Variants in ZBTB16 observed in about 807,000 individuals in gnomAD.
The protein encoded by ZBTB16 is zinc finger and BTB domain containing 16.
A neutral mutation model predicts 56.8 loss-of-function variants in ZBTB16; 8 were observed. The ratio of observed to expected loss-of-function variants is 0.14; its 90% CI spans 0.08 to 0.25. The LOEUF (loss-of-function observed/expected upper bound fraction) is 0.25, where lower values mean the gene tolerates loss of function less well. Ranked by LOEUF, ZBTB16 falls within the 10% of genes least tolerant of loss-of-function variation. The pLI, the probability that ZBTB16 is intolerant of heterozygous loss-of-function variation, is 1.00. For missense variants in ZBTB16, 625 were observed against 903.0 expected, an observed-to-expected ratio of 0.69 and a Z score of 3.95; for synonymous variants, 363 against 368.5, an observed-to-expected ratio of 0.98 and a Z score of 0.17.
intron 3 of ZBTB16, among the ~76,000 whole-genome samples, chr11:114,172,560 C>G (rs1942998107): frequency 6.6e-6 from 1 of 152,174 alleles, no homozygotes; most frequent in South Asian, 2.1e-4. Flanking sequence ...CTGGTCTTAA[C>G]CTCTGCGGCA....
At chr11:114,142,814 C>T (rs942971628) in intron 2 of ZBTB16, among the ~76,000 whole-genome samples, 7 of 152,124 alleles carry the variant, frequency 4.6e-5, no homozygotes, top group East Asian at 1.9e-4. Flanking sequence ...AGTTATGGCC[C>T]GTTTAAAAAA....
At chr11:114,118,165 G>A (rs1415588034) in intron 2 of ZBTB16, among the ~76,000 whole-genome samples, 1 of 152,172 alleles carries the variant, frequency 6.6e-6, no homozygotes, top group Non-Finnish European at 1.5e-5. Flanking sequence ...AAACAGATTA[G>A]AGGTGTTTTT....
intron 2 of ZBTB16, among the ~76,000 whole-genome samples, chr11:114,113,077 C>T (rs894946028): frequency 2.0e-5 from 3 of 152,178 alleles, no homozygotes; most frequent in Non-Finnish European, 4.4e-5. Context: ...ACCCAGCCCA[C>T]ACACTTCATT....
intron 2 of ZBTB16, among the ~76,000 whole-genome samples, chr11:114,149,775 A>T (rs1235143181): frequency 1.3e-5 from 2 of 152,170 alleles, no homozygotes; most frequent in Admixed American, 6.5e-5. Context: ...AATTTCCCTT[A>T]TGCCTTGAGA....
chr11:114,185,825 A>G (rs2135057439), intron 3 of ZBTB16, among the ~76,000 whole-genome samples: 1 of 152,372 alleles, frequency 6.6e-6, no homozygotes, highest in South Asian at 2.1e-4. Context: ...CCAGTGATAA[A>G]AAGTACTGTT....
At chr11:114,172,502 A>T (rs965062605) in intron 3 of ZBTB16, among the ~76,000 whole-genome samples, 6 of 152,200 alleles carry the variant, frequency 3.9e-5, no homozygotes, top group African/African-American at 1.4e-4. Context: ...CTAGCAAGTA[A>T]GAGACAGAGC....
chr11:114,245,538 G>T (rs951388620), intron 5 of ZBTB16, among the ~76,000 whole-genome samples: 4 of 152,172 alleles, frequency 2.6e-5, no homozygotes, highest in Admixed American at 1.3e-4. Flanking sequence ...TGGGTACAGG[G>T]GCCTAACTTT....
rs900475595 is a variant in ZBTB16 at position 114,063,797 on chromosome 11, G to T, written c.497G>T (p.Ser166Ile). Reference sequence around the variant, plus strand: ...ATCTCGAAGCATTCCAGCGAGGAGAGTGGGTATGCCAGTGTGGCTGGACAG... The same window carrying T: ...ATCTCGAAGCATTCCAGCGAGGAGATTGGGTATGCCAGTGTGGCTGGACAG... ...IFISKHSSEE[S>I]GYASVAGQSL... The change falls in exon 2 of 7, where the codon AGT becomes ATT. Residue 166 changes from serine to isoleucine, a missense_variant. Ser to Ile is a moderately radical substitution (Grantham distance 142). Around this residue, in one of 6 missense-constraint regions of ZBTB16, gnomAD observed 384 missense variants for 393.5 expected, o/e 0.98. Coordinates refer to ENST00000335953, the MANE Select transcript of ZBTB16 (RefSeq NM_006006.6). This position sits in a 1 kb window ranked among gnomAD's most constrained non-coding sequence, Gnocchi z 6.5. 4 of 1,614,092 alleles carry T rather than the reference G, an allele frequency of 2.5e-6. No homozygotes were observed. In the African/African-American group the frequency reaches 5.3e-5, roughly 22 times the overall value.
At chr11:114,129,341 G>T (rs565045025) in intron 2 of ZBTB16, among the ~76,000 whole-genome samples, 1 of 152,206 alleles carries the variant, frequency 6.6e-6, no homozygotes, top group African/African-American at 2.4e-5. Context: ...CACCGGAGCC[G>T]GCAGAGAACC....
intron 2 of ZBTB16, among the ~76,000 whole-genome samples, chr11:114,075,642 T>C (rs541918331): frequency 6.7e-6 from 1 of 149,522 alleles, no homozygotes; most frequent in African/African-American, 2.5e-5. Context: ...TATATATATA[T>C]ATATATTTAG....
intron 2 of ZBTB16, among the ~76,000 whole-genome samples, chr11:114,073,337 A>G (rs1939420518): frequency 6.6e-6 from 1 of 152,188 alleles, no homozygotes; most frequent in East Asian, 1.9e-4. Context: ...AAAACAGAAA[A>G]AGAGAGAAAA....
At chr11:114,090,911 A>T (rs1280912336) in intron 2 of ZBTB16, among the ~76,000 whole-genome samples, 1 of 151,644 alleles carries the variant, frequency 6.6e-6, no homozygotes, top group Admixed American at 6.6e-5. Context: ...CCACTTATTT[A>T]TTTTCCCCTC....
At chr11:114,249,856 C>T (rs1443841239) in intron 6 of ZBTB16, among the ~76,000 whole-genome samples, 1 of 151,650 alleles carries the variant, frequency 6.6e-6, no homozygotes, top group African/African-American at 2.4e-5. Flanking sequence ...CCTCAATTTC[C>T]CCCCACCCCT....
intron 4 of ZBTB16, among the ~76,000 whole-genome samples, chr11:114,190,182 C>G (rs1291429209): frequency 6.6e-6 from 1 of 152,086 alleles, no homozygotes. Flanking sequence ...AGAGCGACTG[C>G]CGATGGAGCT....
chr11:114,115,089 G>T (rs1941129586), intron 2 of ZBTB16, among the ~76,000 whole-genome samples: 1 of 152,118 alleles, frequency 6.6e-6, no homozygotes, highest in Non-Finnish European at 1.5e-5. Context: ...AGGTAGGAGA[G>T]GGTTGTGTAA....
intron 2 of ZBTB16, among the ~76,000 whole-genome samples, chr11:114,074,315 T>A (rs1305114890): frequency 6.6e-6 from 1 of 152,216 alleles, no homozygotes; most frequent in Non-Finnish European, 1.5e-5. Context: ...GAGAAGCAGA[T>A]GTGGCCGACC....
chr11:114,249,170 C>T (rs190588820), intron 6 of ZBTB16, among the ~76,000 whole-genome samples: 1 of 149,234 alleles, frequency 6.7e-6, no homozygotes, highest in East Asian at 2.1e-4. Flanking sequence ...GCGGTTTTAG[C>T]AGGATAGGCC....
chr11:114,072,035 C>T (rs180910166), intron 2 of ZBTB16, among the ~76,000 whole-genome samples: 46 of 152,340 alleles, frequency 3.0e-4, no homozygotes, highest in East Asian at 1.9e-4. Context: ...GTGTGAGGAA[C>T]GGTGGCACAA....
chr11:114,237,691 C>T (rs1037435862), intron 4 of ZBTB16, among the ~76,000 whole-genome samples: 12 of 148,992 alleles, frequency 8.1e-5, no homozygotes, highest in African/African-American at 2.9e-4. Context: ...TGCCCTGACT[C>T]ATCATACATG....
Sources: allele counts gnomAD v4.1 joint callset (sites outside exome capture counted in the v4.1 genomes callset), GRCh38; gene constraint gnomAD v4.1.1; regional missense constraint gnomAD v4.1.1; non-coding constraint Gnocchi (gnomAD v3.1); transcripts MANE v1.5; gene names NCBI Gene and HGNC (gene_info 2026-07-23, HGNC 2026-07-21).